NDUFAF2: variants seen among roughly 807,000 people sequenced by gnomAD.
NDUFAF2 encodes NADH dehydrogenase [ubiquinone] 1 alpha subcomplex assembly factor 2.
A neutral mutation model predicts 22.8 loss-of-function variants in NDUFAF2; 13 were observed. The ratio of observed to expected loss-of-function variants is 0.57; its 90% confidence interval spans 0.37 to 0.91. NDUFAF2 has a LOEUF of 0.91. NDUFAF2 is among the 40% of genes least tolerant of loss of function. The pLI is 0.01. For synonymous variants in NDUFAF2, 53 were observed against 64.2 expected (o/e 0.83, Z 0.84); for missense variants, 162 against 195.2 (o/e 0.83, Z 1.01).
At chr5:61,097,168 G>A (rs1014196032) in intron 2 of NDUFAF2, among the ~76,000 whole-genome samples, 5 of 151,316 alleles carry the variant, frequency 3.3e-5, no homozygotes, top group Admixed American at 3.3e-4. Context: ...ATTCAGTGCT[G>A]GGCTTTTTAT....
intron 3 of NDUFAF2, among the ~76,000 whole-genome samples, chr5:61,128,185 A>G (rs1235493672): frequency 1.3e-5 from 2 of 152,150 alleles, no homozygotes; most frequent in Non-Finnish European, 2.9e-5. Context: ...ATGCTTATGG[A>G]TAGGAAGAAT....
At chr5:61,049,821 C>T (rs966910112) in intron 1 of NDUFAF2, among the ~76,000 whole-genome samples, 7 of 149,362 alleles carry the variant, frequency 4.7e-5, no homozygotes, top group East Asian at 2.0e-4. Context: ...TATTTATATA[C>T]ATATATATAA....
At chr5:60,960,296 T>C (rs1750667371) in intron 1 of NDUFAF2, among the ~76,000 whole-genome samples, 1 of 152,206 alleles carries the variant, frequency 6.6e-6, no homozygotes, top group Non-Finnish European at 1.5e-5. Context: ...AAATACTGTG[T>C]ATAGGCACTA....
chr5:60,985,796 G>T (rs985309255), intron 1 of NDUFAF2, among the ~76,000 whole-genome samples: 5 of 152,216 alleles, frequency 3.3e-5, no homozygotes, highest in African/African-American at 1.2e-4. Context: ...GCTCAGGAAG[G>T]ACCCGCCCCT....
At chr5:61,023,580 A>C (rs1751613433) in intron 1 of NDUFAF2, among the ~76,000 whole-genome samples, 1 of 152,170 alleles carries the variant, frequency 6.6e-6, no homozygotes. Context: ...GGTCCTTAAA[A>C]ATTTCAAGGG....
chr5:60,976,446 C>A (rs190364001), intron 1 of NDUFAF2, among the ~76,000 whole-genome samples: 37 of 152,130 alleles, frequency 2.4e-4, no homozygotes, highest in African/African-American at 8.7e-4. Context: ...TTCTGTCCTC[C>A]GCACTTATGT....
chr5:61,073,004 C>T (rs944176284), intron 1 of NDUFAF2, 121 bp from the exon 2 acceptor site: 13 of 676,740 alleles, frequency 1.9e-5, no homozygotes, highest in South Asian at 1.0e-4. Flanking sequence ...AATCTATTCT[C>T]GTTTTCCTGT....
At chr5:61,006,244 A>G (rs1338500753) in intron 1 of NDUFAF2, among the ~76,000 whole-genome samples, 2 of 152,068 alleles carry the variant, frequency 1.3e-5, no homozygotes, top group South Asian at 2.1e-4. Context: ...CAAAGATCAG[A>G]TGGTTGTAGA....
chr5:61,082,562 A>C (rs1305486293), intron 2 of NDUFAF2, among the ~76,000 whole-genome samples: 1 of 152,046 alleles, frequency 6.6e-6, no homozygotes, highest in African/African-American at 2.4e-5. Flanking sequence ...TGTTGTTCCC[A>C]TTTTTATGTT....
chr5:60,981,370 T>C (rs930661608), intron 1 of NDUFAF2, among the ~76,000 whole-genome samples: 4 of 152,294 alleles, frequency 2.6e-5, no homozygotes, highest in African/African-American at 9.6e-5. Flanking sequence ...AGAAATACTT[T>C]CCCAGGCAAA....
chr5:61,008,086 G>T (rs551731578), intron 1 of NDUFAF2, among the ~76,000 whole-genome samples: 1 of 148,062 alleles, frequency 6.8e-6, no homozygotes, highest in Non-Finnish European at 1.5e-5. Context: ...CTCACTCACA[G>T]GTGGGAATTG....
intron 2 of NDUFAF2, among the ~76,000 whole-genome samples, chr5:61,080,641 A>G (rs1317841634): frequency 6.6e-6 from 1 of 152,110 alleles, no homozygotes; most frequent in Non-Finnish European, 1.5e-5. Context: ...CTTATTTGCC[A>G]TCTGTATATC....
intron 1 of NDUFAF2, among the ~76,000 whole-genome samples, chr5:61,072,097 A>G (rs1752307006): frequency 1.3e-5 from 2 of 152,184 alleles, no homozygotes; most frequent in South Asian, 2.1e-4. Context: ...TCCACTCCAG[A>G]TATTAATCTC....
At chr5:60,997,552 ATT>A (rs1174031536) in intron 1 of NDUFAF2, among the ~76,000 whole-genome samples, 122 of 152,334 alleles carry the variant, frequency 8.0e-4, no homozygotes, top group Non-Finnish European at 8.8e-5. Flanking sequence ...CATACCTTTG[ATT>A]CATAAACTGG....
intron 1 of NDUFAF2, among the ~76,000 whole-genome samples, chr5:61,038,204 A>C (rs957478130): frequency 6.6e-6 from 1 of 152,150 alleles, no homozygotes; most frequent in Non-Finnish European, 1.5e-5. Flanking sequence ...ACTGCAATCT[A>C]TAATGTACAT....
Position 61,121,035 on chromosome 5 carries a change from T to G in NDUFAF2, c.258+22003T>G, listed in dbSNP as rs901257001. ...GCGGAATAATGGTGTTTAAGAGAAT[T>G]GTATTGATCACATTGGTGATAACCC... On this transcript the variant is annotated intron_variant, in intron 3 of 3. Transcript: ENST00000296597. Among the ~76,000 whole-genome samples the G allele has an allele frequency of 3.9e-5, 6 of 152,142 alleles. 1 individual carries two copies. In the East Asian group the frequency reaches 1.2e-3, roughly 29 times the overall value.
intron 1 of NDUFAF2, among the ~76,000 whole-genome samples, chr5:60,961,786 T>G (rs74334195): frequency 6.7e-6 from 1 of 149,882 alleles, no homozygotes; most frequent in Non-Finnish European, 1.5e-5. Flanking sequence ...AAAAAAAAAT[T>G]TACTATGTAA....
At chr5:61,096,701 C>T (rs920072651) in intron 2 of NDUFAF2, among the ~76,000 whole-genome samples, 5 of 151,634 alleles carry the variant, frequency 3.3e-5, no homozygotes, top group African/African-American at 4.9e-5. Context: ...CAGTGGCTCA[C>T]GCCTATAATT....
intron 1 of NDUFAF2, among the ~76,000 whole-genome samples, chr5:61,037,560 A>G (rs1388220182): frequency 2.0e-5 from 3 of 152,220 alleles, no homozygotes; most frequent in Non-Finnish European, 4.4e-5. Flanking sequence ...AAATAAATGT[A>G]TAAAATGCAT....
Sources: allele counts gnomAD v4.1 joint callset (sites outside exome capture counted in the v4.1 genomes callset), GRCh38; gene constraint gnomAD v4.1.1; transcripts MANE v1.5; gene names NCBI Gene and HGNC (gene_info 2026-07-23, HGNC 2026-07-21).